USP17L2: variants seen among roughly 807,000 people sequenced by gnomAD.
USP17L2 encodes ubiquitin specific peptidase 17 like family member 2, also known as ubiquitin carboxyl-terminal hydrolase 17.
USP17L2 carries 29 observed loss-of-function variants against 39.8 expected under a neutral mutation model. That is an observed-to-expected ratio of 0.73 (90% CI 0.54 to 0.99). The LOEUF is 0.99. USP17L2 is among the 50% of genes least tolerant of loss of function. The probability of loss-of-function intolerance (pLI) is 0.00; values close to 1 mark genes in which losing one functional copy is unlikely to be tolerated. For missense variants in USP17L2, 567 were observed against 647.2 expected, an observed-to-expected ratio of 0.88 and a Z score of 1.35; for synonymous variants, 231 against 252.7, an observed-to-expected ratio of 0.91 and a Z score of 0.81.
chr8:12,136,816 C>T lies in USP17L2; in HGVS notation c.*352G>A, dbSNP rs1456972647. On this transcript the variant is annotated 3_prime_UTR_variant, in exon 1 of 1. Coordinates refer to ENST00000333796, the MANE Select transcript of USP17L2 (RefSeq NM_201402.3). ...CAAGAGAAAATAGGAAACCGAGTCC[C>T]CTGCAATAACCTCACACTCAAACCT... Among the ~76,000 whole-genome samples the T allele has an allele frequency of 7.1e-6, 1 of 140,468 alleles. No homozygotes were observed. Among genetic ancestry groups the T allele is most frequent in the Non-Finnish European group, 1.5e-5 (1 of 64,826 alleles). 92.2% of individuals were successfully genotyped at this position (140,468 alleles called of 152,430 possible). A position where few individuals can be genotyped will look rare whatever the true frequency, so the allele number is the denominator to read the frequency against.
rs200644340 is a variant in USP17L2 at position 12,137,523 on chromosome 8, G to A, written c.1238C>T (p.Pro413Leu). 6.4e-4 allele frequency: 978 copies of A among 1,533,040 alleles called. 97 individuals are homozygous for A. Among genetic ancestry groups the A allele is most frequent in the East Asian group, 5.0e-3 (194 of 38,424 alleles). 95.0% of individuals were successfully genotyped at this position (1,533,040 alleles called of 1,614,324 possible). A position where few individuals can be genotyped will look rare whatever the true frequency, so the allele number is the denominator to read the frequency against. ...ATQGELKRDHPCLQAPELDER... is the reference protein window; with the variant it reads ...ATQGELKRDHLCLQAPELDER... ...GTCCAACTCGGGTGCCTGGAGGCAGGGGTGGTCTCTCTTGAGCTCTCCTTG... is the reference window on the plus strand; with the variant it reads ...GTCCAACTCGGGTGCCTGGAGGCAGAGGTGGTCTCTCTTGAGCTCTCCTTG... The change falls in exon 1 of 1, where the codon CCC (proline) becomes CTC (leucine). Residue 413 changes from proline to leucine, a missense_variant. Pro to Leu is a moderately conservative substitution (Grantham distance 98). This residue lies in a region of USP17L2 where 304 missense variants were observed against 254.7 expected (regional missense o/e 1.19). Coordinates refer to ENST00000333796, the MANE Select transcript of USP17L2 (RefSeq NM_201402.3).
rs772802715 is a variant in USP17L2 at position 12,137,887 on chromosome 8, C to T, written c.874G>A (p.Ala292Thr). The T allele has an allele frequency of 6.5e-7, 1 of 1,531,268 alleles. No individual in the cohort carries two copies. Among genetic ancestry groups the T allele is most frequent in the African/African-American group, 1.4e-5 (1 of 69,068 alleles). 94.9% of individuals were successfully genotyped at this position (1,531,268 alleles called of 1,614,324 possible). A position where few individuals can be genotyped will look rare whatever the true frequency, so the allele number is the denominator to read the frequency against. ...RFSDVTGNKL[A>T]KNVQYPECLD... ...CACTCAGGATATTGCACATTCTTGGCAAGTTTGTTGCCTGTGACATCGGAG... is the reference window on the plus strand; with the variant it reads ...CACTCAGGATATTGCACATTCTTGGTAAGTTTGTTGCCTGTGACATCGGAG... The change falls in exon 1 of 1, where the codon GCC becomes ACC. Residue 292 changes from alanine (A) to threonine (T), a missense_variant. By Grantham distance (58) the Ala-to-Thr change is moderately conservative. This residue lies in a region of USP17L2 where 65 missense variants were observed against 84.8 expected (regional missense o/e 0.77). Coordinates refer to ENST00000333796, the MANE Select transcript of USP17L2 (RefSeq NM_201402.3).
chr8:12,137,636 C>T lies in USP17L2; in HGVS notation c.1125G>A (p.Lys375=), dbSNP rs570513591. The part of the protein sequence containing the change: ...QQAYVLFYIQ[K]SEWERHSESV... Reference sequence around the variant, plus strand: ...TCTCACTGTGTCTTTCCCATTCACTCTTCTGGATGTAAAAGAGGACATAGG... The same window carrying T: ...TCTCACTGTGTCTTTCCCATTCACTTTTCTGGATGTAAAAGAGGACATAGG... The change falls in exon 1 of 1, where the codon AAG becomes AAA. Residue 375 remains lysine, a synonymous_variant. Coordinates refer to ENST00000333796, the MANE Select transcript of USP17L2 (RefSeq NM_201402.3). 2.0e-6 allele frequency: 3 copies of T among 1,524,144 alleles called. 1 individual carries two copies. In the South Asian group the frequency reaches 3.7e-5, roughly 19 times the overall value. 94.4% of individuals were successfully genotyped at this position (1,524,144 alleles called of 1,614,324 possible).
Position 12,138,473 on chromosome 8 carries a change from C to T in USP17L2, c.288G>A (p.Gln96=). The part of the protein sequence containing the change: ...GNTCYENASL[Q]CLTYTPPLAN... The stretch of plus-strand genomic sequence containing the variant: ...CAAGGGGCGGTGTGTATGTCAGGCA[C>T]TGCAGGGAAGCGTTCTCGTAGCAGG... The change falls in exon 1 of 1, where the codon CAG becomes CAA. Residue 96 remains glutamine, a synonymous_variant. Coordinates refer to ENST00000333796, the MANE Select transcript of USP17L2 (RefSeq NM_201402.3). 1 of 1,540,662 alleles carries T rather than the reference C, an allele frequency of 6.5e-7. No individual in the cohort carries two copies. Among genetic ancestry groups the T allele is most frequent in the Non-Finnish European group, 8.8e-7 (1 of 1,138,730 alleles).
At position 12,137,700 on chromosome 8, in the gene USP17L2, A is replaced by G. The variant is rs1355889240; in HGVS notation, c.1061T>C (p.Val354Ala). 6.5e-7 allele frequency: 1 copy of G among 1,533,700 alleles called. No individual in the cohort carries two copies. The highest frequency in any genetic ancestry group is 1.8e-5 in the Admixed American group (1 of 55,892). Residue 354 changes from valine to alanine, a missense_variant, in exon 1 of 1, where the codon GTC (valine) becomes GCC (alanine). Val to Ala is a moderately conservative substitution (Grantham distance 64). This residue lies in a region of USP17L2 where 304 missense variants were observed against 254.7 expected (regional missense o/e 1.19). Transcript: ENST00000333796. ...GQWYKMDDAK[V>A]TACSITSVLS... ...GACAGAAGTGATGCTACAGGCAGTG[A>G]CCTTGGCATCATCCATTTTATACCA...
rs1413869991 is a variant in USP17L2, at chr8:12,136,903, CACAG to C, written c.*261_*264del. ...ATGTCATCTACCATGAACACAAACA[CACAG>C]ACAGTCTCTCCAGAGGTTCGGAAGA... On this transcript the variant is annotated 3_prime_UTR_variant, in exon 1 of 1. Transcript: ENST00000333796. 1.4e-5 allele frequency among the ~76,000 whole-genome samples: 2 copies of C among 140,610 alleles called. No homozygotes were observed. Among genetic ancestry groups the C allele is most frequent in the Non-Finnish European group, 3.1e-5 (2 of 64,866 alleles). 92.2% of individuals were successfully genotyped at this position (140,610 alleles called of 152,430 possible).
chr8:12,138,279 G>T lies in USP17L2; in HGVS notation c.482C>A (p.Ala161Asp), dbSNP rs3885220. 7.1e-7 allele frequency: 1 copy of T among 1,416,146 alleles called. No individual in the cohort carries two copies. The highest frequency in any genetic ancestry group is 9.7e-7 in the Non-Finnish European group (1 of 1,033,814). The allele number at this position is 1,416,146 out of a possible 1,614,324, so 87.7% of individuals were successfully genotyped here. A position where few individuals can be genotyped will look rare whatever the true frequency, so the allele number is the denominator to read the frequency against. ...AGFHRGKQED[A>D]HEFLMFTVDA... is the part of the protein sequence containing the mutation. ...CACAGTGAACATGAGAAATTCATGG[G>T]CATCTTCCTGCTTGCCTCTATGGAA... The change falls in exon 1 of 1, where the codon GCC (alanine) becomes GAC (aspartate). Residue 161 changes from alanine (A) to aspartate (D), a missense_variant. Ala to Asp is a moderately radical substitution (Grantham distance 126, BLOSUM62 -2). This residue lies in a region of USP17L2 where 67 missense variants were observed against 122.8 expected (regional missense o/e 0.55). Coordinates refer to ENST00000333796, the MANE Select transcript of USP17L2 (RefSeq NM_201402.3).
chr8:12,137,419 G>A lies in USP17L2; in HGVS notation c.1342C>T (p.Pro448Ser). ...KFPQEQNKTKPEFNVRKVEGT... is the reference protein window; with the variant it reads ...KFPQEQNKTKSEFNVRKVEGT... ...TCGACTTTTCTGACGTTGAACTCAGGCTTCGTTTTGTTTTGCTCTTGGGGG... is the reference window on the plus strand; with the variant it reads ...TCGACTTTTCTGACGTTGAACTCAGACTTCGTTTTGTTTTGCTCTTGGGGG... Residue 448 changes from proline (P) to serine (S), a missense_variant, in exon 1 of 1, where the codon CCT becomes TCT. By Grantham distance (74) the Pro-to-Ser change is moderately conservative. Coordinates refer to ENST00000333796, the MANE Select transcript of USP17L2 (RefSeq NM_201402.3). 1 of 1,532,358 alleles carries A rather than the reference G, an allele frequency of 6.5e-7. No individual in the cohort carries two copies. Among genetic ancestry groups the A allele is most frequent in the Non-Finnish European group, 8.8e-7 (1 of 1,135,468 alleles). 94.9% of individuals were successfully genotyped at this position (1,532,358 alleles called of 1,614,324 possible). A position where few individuals can be genotyped will look rare whatever the true frequency, so the allele number is the denominator to read the frequency against.
Position 12,138,529 on chromosome 8 carries a change from C to A in USP17L2, c.232G>T (p.Val78Leu). 2 of 1,535,462 alleles carry A rather than the reference C, an allele frequency of 1.3e-6. No individual in the cohort carries two copies. Among genetic ancestry groups the A allele is most frequent in the Non-Finnish European group, 1.8e-6 (2 of 1,136,008 alleles). ...CCCATATTCTGGAGCCCAGCCCCCA[C>A]CGCAGCAGGTCTCCTGCTACTCAGA... Reference protein sequence around the residue: ...LPLSSRRPAAVGAGLQNMGNT... With the variant: ...LPLSSRRPAALGAGLQNMGNT... The change falls in exon 1 of 1, where the codon GTG (valine) becomes TTG (leucine). Residue 78 changes from valine (V) to leucine (L), a missense_variant. Val to Leu is a conservative substitution (Grantham distance 32, BLOSUM62 1). Transcript: ENST00000333796.
chr8:12,138,528 A>C lies in USP17L2; in HGVS notation c.233T>G (p.Val78Gly). Reference protein sequence around the residue: ...LPLSSRRPAAVGAGLQNMGNT... With the variant: ...LPLSSRRPAAGGAGLQNMGNT... Reference sequence around the variant, plus strand: ...TCCCATATTCTGGAGCCCAGCCCCCACCGCAGCAGGTCTCCTGCTACTCAG... The same window carrying C: ...TCCCATATTCTGGAGCCCAGCCCCCCCCGCAGCAGGTCTCCTGCTACTCAG... The change falls in exon 1 of 1, where the codon GTG becomes GGG. Residue 78 changes from valine to glycine, a missense_variant. This residue lies in a region of USP17L2 where 120 missense variants were observed against 111.0 expected (regional missense o/e 1.08). Coordinates refer to ENST00000333796, the MANE Select transcript of USP17L2 (RefSeq NM_201402.3). 6.5e-7 allele frequency: 1 copy of C among 1,535,580 alleles called. No individual in the cohort carries two copies.
Position 12,138,371 on chromosome 8 carries a change from A to T in USP17L2, c.390T>A (p.Ala130=), listed in dbSNP as rs760446794. 3.3e-6 allele frequency: 5 copies of T among 1,493,658 alleles called. No homozygotes were observed. The highest frequency in any genetic ancestry group is 4.6e-6 in the Non-Finnish European group (5 of 1,098,222). The allele number at this position is 1,493,658 out of a possible 1,614,324, so 92.5% of individuals were successfully genotyped here. Residue 130 remains alanine (A), a synonymous_variant, in exon 1 of 1, where the codon GCT becomes GCA. Transcript: ENST00000333796. ...GACTGTGGAGGGCCCATGTGATGTG[A>T]GCTTGCATAGTACAGAGCATGCAGC... is the stretch of plus-strand genomic sequence containing the variant. ...PKCCMLCTMQ[A]HITWALHSPG...
rs539797970 is a variant in USP17L2, at chr8:12,137,702, C to T, written c.1059G>A (p.Lys353=). ...EGQWYKMDDA[K]VTACSITSVL... is the part of the protein sequence containing the mutation. Reference sequence around the variant, plus strand: ...CAGAAGTGATGCTACAGGCAGTGACCTTGGCATCATCCATTTTATACCACT... The same window carrying T: ...CAGAAGTGATGCTACAGGCAGTGACTTTGGCATCATCCATTTTATACCACT... Residue 353 remains lysine, a synonymous_variant, in exon 1 of 1, where the codon AAG becomes AAA. Coordinates refer to ENST00000333796, the MANE Select transcript of USP17L2 (RefSeq NM_201402.3). 6.5e-6 allele frequency: 10 copies of T among 1,533,722 alleles called. 2 individuals carry two copies. In the South Asian group the frequency reaches 1.1e-4, roughly 17 times the overall value.
rs149988484 is a variant in USP17L2, at chr8:12,137,507, G to A, written c.1254C>T (p.Pro418=). The A allele has an allele frequency of 3.2e-3, 4,918 of 1,532,148 alleles. 660 individuals are homozygous for A. In the African/African-American group the frequency reaches 0.062, roughly 19 times the overall value. The allele number at this position is 1,532,148 out of a possible 1,614,324, so 94.9% of individuals were successfully genotyped here. A position where few individuals can be genotyped will look rare whatever the true frequency, so the allele number is the denominator to read the frequency against. Residue 418 remains proline, a synonymous_variant, in exon 1 of 1, where the codon CCC becomes CCT. Transcript: ENST00000333796. Reference sequence around the variant, plus strand: ...TTTCCACCAAGCGCTCGTCCAACTCGGGTGCCTGGAGGCAGGGGTGGTCTC... The same window carrying A: ...TTTCCACCAAGCGCTCGTCCAACTCAGGTGCCTGGAGGCAGGGGTGGTCTC... ...LKRDHPCLQA[P]ELDERLVERA...
At position 12,137,468 on chromosome 8, in the gene USP17L2, T is replaced by A; in HGVS notation, c.1293A>T (p.Glu431Asp). ...DERLVERATQESTLDHWKFPQ... is the reference protein window; with the variant it reads ...DERLVERATQDSTLDHWKFPQ... ...GGAATTTCCAGTGGTCTAAGGTGCTTTCCTGAGTGGCTCTTTCCACCAAGC... is the reference window on the plus strand; with the variant it reads ...GGAATTTCCAGTGGTCTAAGGTGCTATCCTGAGTGGCTCTTTCCACCAAGC... The change falls in exon 1 of 1, where the codon GAA (glutamate) becomes GAT (aspartate). Residue 431 changes from glutamate (E) to aspartate (D), a missense_variant. Around this residue, in one of 6 missense-constraint regions of USP17L2, gnomAD observed 304 missense variants for 254.7 expected, o/e 1.19. Transcript: ENST00000333796. 6.5e-7 allele frequency: 1 copy of A among 1,532,698 alleles called. No homozygotes were observed. Among genetic ancestry groups the A allele is most frequent in the East Asian group, 2.6e-5 (1 of 38,456 alleles). 94.9% of individuals were successfully genotyped at this position (1,532,698 alleles called of 1,614,324 possible). A position where few individuals can be genotyped will look rare whatever the true frequency, so the allele number is the denominator to read the frequency against.
Position 12,138,708 on chromosome 8 carries a change from G to A in USP17L2, c.53C>T (p.Ser18Leu), listed in dbSNP as rs774259829. 1 of 1,451,914 alleles carries A rather than the reference G, an allele frequency of 6.9e-7. No individual in the cohort carries two copies. The highest frequency in any genetic ancestry group is 9.4e-7 in the Non-Finnish European group (1 of 1,064,576). 89.9% of individuals were successfully genotyped at this position (1,451,914 alleles called of 1,614,324 possible). ...ATCTGGCCGAGAAGATGTGAGTTTT[G>A]AAAAGTGGTTGAACTGCCACTCACC... Reference protein sequence around the residue: ...LGGEWQFNHFSKLTSSRPDAA... With the variant: ...LGGEWQFNHFLKLTSSRPDAA... Residue 18 changes from serine to leucine, a missense_variant, in exon 1 of 1, where the codon TCA becomes TTA. By Grantham distance (145) the Ser-to-Leu change is moderately radical. Transcript: ENST00000333796.
Position 12,137,170 on chromosome 8 carries a change from A to T in USP17L2, c.1591T>A (p.Ter531ArgextTer78). The T allele has an allele frequency of 1.3e-6, 2 of 1,530,422 alleles. No homozygotes were observed. The highest frequency in any genetic ancestry group is 2.6e-5 in the East Asian group (1 of 38,140). The allele number at this position is 1,530,422 out of a possible 1,614,324, so 94.8% of individuals were successfully genotyped here. The change falls in exon 1 of 1, where the codon TGA (stop) becomes AGA (arginine). Residue 531 changes from the stop codon to arginine, a stop_lost. Transcript: ENST00000333796. Reference sequence around the variant, plus strand: ...GTGGGTCGGCACTTCCACTGAGATCACTGGCACACAAGCAGAGCCCTCTTG... The same window carrying T: ...GTGGGTCGGCACTTCCACTGAGATCTCTGGCACACAAGCAGAGCCCTCTTG... The part of the protein sequence containing the change: ...HSKRALLVCQ[*>R]
Position 12,137,360 on chromosome 8 carries a change from A to T in USP17L2, c.1401T>A (p.His467Gln), listed in dbSNP as rs779428241. The change falls in exon 1 of 1, where the codon CAT (histidine) becomes CAA (glutamine). Residue 467 changes from histidine (H) to glutamine (Q), a missense_variant. His to Gln is a conservative substitution (Grantham distance 24). This residue lies in a region of USP17L2 where 304 missense variants were observed against 254.7 expected (regional missense o/e 1.19). Coordinates refer to ENST00000333796, the MANE Select transcript of USP17L2 (RefSeq NM_201402.3). ...TCATCCCACACTTGTATTTCGATTG[A>T]TGAATCACAAGTACGTTGGGAGGCA... ...GTLPPNVLVI[H>Q]QSKYKCGMKN... 1 of 1,531,406 alleles carries T rather than the reference A, an allele frequency of 6.5e-7. No homozygotes were observed. The highest frequency in any genetic ancestry group is 8.8e-7 in the Non-Finnish European group (1 of 1,135,076). The allele number at this position is 1,531,406 out of a possible 1,614,324, so 94.9% of individuals were successfully genotyped here.
rs1051407292 is a variant in USP17L2 at position 12,137,006 on chromosome 8, C to A, written c.*162G>T. 7.1e-6 allele frequency among the ~76,000 whole-genome samples: 1 copy of A among 140,752 alleles called. No individual in the cohort carries two copies. Among genetic ancestry groups the A allele is most frequent in the Admixed American group, 7.2e-5 (1 of 13,888 alleles). The allele number at this position is 140,752 out of a possible 152,430, so 92.3% of individuals were successfully genotyped here. A position where few individuals can be genotyped will look rare whatever the true frequency, so the allele number is the denominator to read the frequency against. On this transcript the variant is annotated 3_prime_UTR_variant, in exon 1 of 1. Coordinates refer to ENST00000333796, the MANE Select transcript of USP17L2 (RefSeq NM_201402.3). ...ATGCAGCCATCACTATCCAGTTGTC[C>A]CTGTTGTAGAGACAGAAACTTGGAC...
chr8:12,137,193 T>C lies in USP17L2; in HGVS notation c.1568A>G (p.Lys523Arg). Reference sequence around the variant, plus strand: ...TCACTGGCACACAAGCAGAGCCCTCTTGCTGTGTTTGTTCTTCCCTTTGGA... The same window carrying C: ...TCACTGGCACACAAGCAGAGCCCTCCTGCTGTGTTTGTTCTTCCCTTTGGA... The part of the protein sequence containing the change: ...RRSKGKNKHS[K>R]RALLVCQ The change falls in exon 1 of 1, where the codon AAG (lysine) becomes AGG (arginine). Residue 523 changes from lysine to arginine, a missense_variant. This residue lies in a region of USP17L2 where 304 missense variants were observed against 254.7 expected (regional missense o/e 1.19). Coordinates refer to ENST00000333796, the MANE Select transcript of USP17L2 (RefSeq NM_201402.3). 1 of 1,530,918 alleles carries C rather than the reference T, an allele frequency of 6.5e-7. No individual in the cohort carries two copies. The highest frequency in any genetic ancestry group is 1.2e-5 in the South Asian group (1 of 81,294). 94.8% of individuals were successfully genotyped at this position (1,530,918 alleles called of 1,614,324 possible).
Sources: gnomAD v4.1 joint callset for allele counts (sites outside exome capture counted in the v4.1 genomes callset) on GRCh38, gnomAD v4.1.1 for gene constraint, gnomAD v4.1.1 regional missense constraint, MANE v1.5 for transcripts, NCBI Gene and HGNC (gene_info 2026-07-23, HGNC 2026-07-21) for gene names.